Variants in MAP4K3 observed in about 807,000 individuals in gnomAD.
MAP4K3 encodes the protein mitogen-activated protein kinase kinase kinase kinase 3, also known as MAPK/ERK kinase kinase kinase 3.
In MAP4K3, 94 loss-of-function variants were observed where a neutral mutation model predicts 143.5. That is an observed-to-expected ratio of 0.65 (90% CI 0.55 to 0.78). MAP4K3 has a LOEUF of 0.78. Ranked by LOEUF, MAP4K3 falls within the 30% of genes least tolerant of loss-of-function variation. The pLI is 0.00. For synonymous variants in MAP4K3, 416 were observed against 347.2 expected, an observed-to-expected ratio of 1.20 and a Z score of -2.20; for missense variants, 1,077 against 1,068.1, an observed-to-expected ratio of 1.01 and a Z score of -0.12.
chr2:39,345,378 C>T (rs1665258402), intron 3 of MAP4K3, among the ~76,000 whole-genome samples: 1 of 151,992 alleles, frequency 6.6e-6, no homozygotes. Flanking sequence ...GATAGTGCTA[C>T]CACACTCTGG....
intron 12 of MAP4K3, among the ~76,000 whole-genome samples, chr2:39,317,239 T>C (rs1312048316): frequency 1.3e-5 from 2 of 152,100 alleles, no homozygotes; most frequent in South Asian, 2.1e-4. Flanking sequence ...ACCCCTTCCT[T>C]ACACAATATA....
intron 29 of MAP4K3, 145 bp from the exon 30 acceptor site, chr2:39,258,732 G>A (rs955396652): frequency 8.9e-6 from 6 of 675,200 alleles, no homozygotes; most frequent in Non-Finnish European, 1.6e-5. Flanking sequence ...AGCCAGGCTA[G>A]TGGGTTTAAA....
At chr2:39,414,632 T>C (rs563537185) in intron 1 of MAP4K3, among the ~76,000 whole-genome samples, 5 of 152,170 alleles carry the variant, frequency 3.3e-5, no homozygotes, top group African/African-American at 9.6e-5. Flanking sequence ...TCACAGCACT[T>C]TGGGAGGCCC....
At chr2:39,298,964 CAA>C (rs371633915) in intron 16 of MAP4K3, among the ~76,000 whole-genome samples, 40 of 68,458 alleles carry the variant, frequency 5.8e-4, no homozygotes, top group Admixed American at 5.3e-4. Context: ...CACTCTGCCT[CAA>C]AAAAAAAAAA....
At chr2:39,351,412 C>T (rs1409464822) in intron 3 of MAP4K3, among the ~76,000 whole-genome samples, 1 of 152,178 alleles carries the variant, frequency 6.6e-6, no homozygotes, top group Non-Finnish European at 1.5e-5. Context: ...CACTTCTGTG[C>T]CTTACTTCTA....
rs561544183 is a variant in MAP4K3 at position 39,372,270 on chromosome 2, G to A, written c.154+5796C>T. Reference sequence around the variant, plus strand: ...TACAATGAAAACATAAAACATTGATGTAAGAAATTGAAGAAGTCACCAAAA... The same window carrying A: ...TACAATGAAAACATAAAACATTGATATAAGAAATTGAAGAAGTCACCAAAA... On this transcript the variant is annotated intron_variant, in intron 2 of 33. Transcript: ENST00000263881. Among the ~76,000 whole-genome samples the A allele has an allele frequency of 4.0e-5, 6 of 151,756 alleles. No homozygotes were observed. In the East Asian group the frequency reaches 1.2e-3, roughly 29 times the overall value.
intron 1 of MAP4K3, among the ~76,000 whole-genome samples, chr2:39,389,841 C>A (rs962787351): frequency 2.0e-5 from 3 of 152,060 alleles, no homozygotes; most frequent in African/African-American, 7.2e-5. Flanking sequence ...AATAAACTAC[C>A]AATCTTGGGT....
intron 2 of MAP4K3, 45 bp downstream of exon 2, chr2:39,378,021 C>G: frequency 9.1e-7 from 1 of 1,100,200 alleles, no homozygotes; most frequent in Non-Finnish European, 1.4e-6. Flanking sequence ...TAAGATATCC[C>G]ATGGCTTTCT....
At chr2:39,365,323 G>A (rs1336704448) in intron 2 of MAP4K3, among the ~76,000 whole-genome samples, 2 of 152,034 alleles carry the variant, frequency 1.3e-5, no homozygotes, top group Non-Finnish European at 2.9e-5. Flanking sequence ...GTAACATCAT[G>A]GCCTGAACTA....
chr2:39,314,271 C>T lies in MAP4K3; in HGVS notation c.997+1039G>A, dbSNP rs181668870. 1.9e-4 allele frequency among the ~76,000 whole-genome samples: 29 copies of T among 152,234 alleles called. No homozygotes were observed. The East Asian group carries it at 4.2e-3, about 22-fold the overall frequency. ...TCTTGAACTCCTGGCCTCAAGTGAT[C>T]CGCCCGCCTCGGCCTCCCAAAGTGC... On this transcript the variant is annotated intron_variant, in intron 13 of 33. Transcript: ENST00000263881.
intron 15 of MAP4K3, among the ~76,000 whole-genome samples, chr2:39,302,494 CAGGGCAA>C (rs1682550219): frequency 6.6e-6 from 1 of 152,092 alleles, no homozygotes. Flanking sequence ...AAAGTGAAAC[CAGGGCAA>C]AGTTAGTAGT....
chr2:39,280,757 G>A (rs897757604), intron 22 of MAP4K3, among the ~76,000 whole-genome samples: 7 of 152,098 alleles, frequency 4.6e-5, no homozygotes, highest in African/African-American at 1.2e-4. Flanking sequence ...TTGGTTTTAT[G>A]AGCCTAAAAA....
chr2:39,307,745 C>A, intron 15 of MAP4K3, among the ~76,000 whole-genome samples, 198 bp downstream of exon 15: 1 of 151,520 alleles, frequency 6.6e-6, no homozygotes, highest in South Asian at 2.1e-4. Context: ...ATGTTTATTA[C>A]TACAGCATTA....
intron 29 of MAP4K3, among the ~76,000 whole-genome samples, chr2:39,259,155 G>A (rs1414341419): frequency 7.9e-5 from 12 of 151,584 alleles, no homozygotes; most frequent in African/African-American, 2.2e-4. Context: ...ACCATGTCTG[G>A]CTAATTAAAA....
At chr2:39,394,222 C>T (rs2148599446) in intron 1 of MAP4K3, among the ~76,000 whole-genome samples, 1 of 152,296 alleles carries the variant, frequency 6.6e-6, no homozygotes. Flanking sequence ...TCAACAACAT[C>T]TCATTTGCTT....
chr2:39,303,761 T>C (rs1197230475), intron 15 of MAP4K3, among the ~76,000 whole-genome samples: 4 of 152,178 alleles, frequency 2.6e-5, no homozygotes, highest in Non-Finnish European at 5.9e-5. Flanking sequence ...GGTCTCGAAC[T>C]CCTGACCTCA....
rs1680164728 is a variant in MAP4K3, at chr2:39,251,853, A to G, written c.2574T>C (p.Ile858=). 6.2e-7 allele frequency: 1 copy of G among 1,613,796 alleles called. No individual in the cohort carries two copies. The highest frequency in any genetic ancestry group is 8.5e-7 in the Non-Finnish European group (1 of 1,179,842). The change falls in exon 33 of 34, where the codon ATT becomes ATC. Residue 858 remains isoleucine, a synonymous_variant. Coordinates refer to ENST00000263881, the MANE Select transcript of MAP4K3 (RefSeq NM_003618.4). ...ACCTGTCAGATCCAAGCAGCCTGAA[A>G]ATTCTTGTGCTATCTGAAATTTCTT... ...VTQEISDSTR[I]FRLLGSDRVV...
chr2:39,386,796 A>C (rs901922698), intron 1 of MAP4K3, among the ~76,000 whole-genome samples: 2 of 143,806 alleles, frequency 1.4e-5, no homozygotes, highest in East Asian at 4.2e-4. Context: ...TACAGTCTTG[A>C]TTAGTGTAAT....
At chr2:39,344,678 G>C (rs1471566234) in intron 3 of MAP4K3, among the ~76,000 whole-genome samples, 1 of 152,168 alleles carries the variant, frequency 6.6e-6, no homozygotes, top group Non-Finnish European at 1.5e-5. Context: ...CATGTATAAA[G>C]TACTGTGGGA....
Sources: allele counts gnomAD v4.1 joint callset (sites outside exome capture counted in the v4.1 genomes callset), GRCh38; gene constraint gnomAD v4.1.1; transcripts MANE v1.5; gene names NCBI Gene and HGNC (gene_info 2026-07-23, HGNC 2026-07-21).